KLHDC7A: variants seen among roughly 807,000 people sequenced by gnomAD.
KLHDC7A encodes kelch domain containing 7A.
For synonymous variants in KLHDC7A, 464 were observed against 461.0 expected (o/e 1.01, Z -0.08); for missense variants, 1,123 against 1,052.6 (o/e 1.07, Z -0.93).
rs1309654109 is a variant in KLHDC7A at position 18,484,003 on chromosome 1, C to A, written c.*688C>A. 2 of 1,304,244 alleles carry A rather than the reference C, an allele frequency of 1.5e-6. No homozygotes were observed. Among genetic ancestry groups the A allele is most frequent in the South Asian group, 1.2e-5 (1 of 81,032 alleles). 80.8% of individuals were successfully genotyped at this position (1,304,244 alleles called of 1,614,324 possible). A position where few individuals can be genotyped will look rare whatever the true frequency, so the allele number is the denominator to read the frequency against. On this transcript the variant is annotated 3_prime_UTR_variant, in exon 1 of 1. Coordinates refer to ENST00000400664, the MANE Select transcript of KLHDC7A (RefSeq NM_152375.3). ...TCCTTATTGGAAGAAAGAGAAGCAG[C>A]CATTGTACCAAGCTATCTTCTGGTG...
rs561873200 is a variant in KLHDC7A at position 18,483,566 on chromosome 1, A to G, written c.*251A>G. 1,314 of 1,401,766 alleles carry G rather than the reference A, an allele frequency of 9.4e-4. 3 individuals carry two copies. Among genetic ancestry groups the G allele is most frequent in the Middle Eastern group, 4.1e-3 (15 of 3,702 alleles). 86.8% of individuals were successfully genotyped at this position (1,401,766 alleles called of 1,614,324 possible). A position where few individuals can be genotyped will look rare whatever the true frequency, so the allele number is the denominator to read the frequency against. ...TGGTGTTCCAAGGCAGAAGGCATTC[A>G]TGTCTTCAGGGATGACCGCCCTTGC... is the stretch of plus-strand genomic sequence containing the variant. On this transcript the variant is annotated 3_prime_UTR_variant, in exon 1 of 1. Transcript: ENST00000400664.
In KLHDC7A at chr1:18,481,216, G is replaced by C; in HGVS notation, c.235G>C (p.Gly79Arg). The change falls in exon 1 of 1, where the codon GGG becomes CGG. Residue 79 changes from glycine (G) to arginine (R), a missense_variant. Gly to Arg is a moderately radical substitution (Grantham distance 125, BLOSUM62 -2). Transcript: ENST00000400664. ...QEASPGVLLR[G>R]PRRRRSSKRA... is the part of the protein sequence containing the mutation. The stretch of plus-strand genomic sequence containing the variant: ...GGCTTCTCCTGGGGTGCTCCTGAGG[G>C]GGCCAAGACGTCGGAGGAGCAGCAA... 1 of 1,586,756 alleles carries C rather than the reference G, an allele frequency of 6.3e-7. No individual in the cohort carries two copies. The highest frequency in any genetic ancestry group is 1.1e-5 in the South Asian group (1 of 87,444).
Position 18,481,378 on chromosome 1 carries a change from T to C in KLHDC7A, c.397T>C (p.Ser133Pro), listed in dbSNP as rs1465488438. Residue 133 changes from serine to proline, a missense_variant, in exon 1 of 1, where the codon TCT (serine) becomes CCT (proline). Transcript: ENST00000400664. ...GEERGGQGSD[S>P]EQVPPCCPSQ... ...GGAGCGGGGCGGGCAGGGCTCGGACTCTGAGCAGGTGCCTCCTTGCTGCCC... is the reference window on the plus strand; with the variant it reads ...GGAGCGGGGCGGGCAGGGCTCGGACCCTGAGCAGGTGCCTCCTTGCTGCCC... The C allele has an allele frequency of 1.9e-6, 3 of 1,611,854 alleles. No individual in the cohort carries two copies. Among genetic ancestry groups the C allele is most frequent in the Non-Finnish European group, 2.5e-6 (3 of 1,179,024 alleles).
Position 18,482,381 on chromosome 1 carries a change from G to A in KLHDC7A, c.1400G>A (p.Arg467His), listed in dbSNP as rs769439946. 6.2e-7 allele frequency: 1 copy of A among 1,604,826 alleles called. No individual in the cohort carries two copies. Among genetic ancestry groups the A allele is most frequent in the Non-Finnish European group, 8.5e-7 (1 of 1,179,942 alleles). The stretch of plus-strand genomic sequence containing the variant: ...AGCGAAAACTACCTGCAGGTGCTGC[G>A]CAGCCCGGACATCTACGGGTGCCTG... ...VMSENYLQVL[R>H]SPDIYGCLSG... The change falls in exon 1 of 1, where the codon CGC becomes CAC. Residue 467 changes from arginine to histidine, a missense_variant. Physicochemically the swap from Arg to His is conservative, Grantham distance 29 (BLOSUM62 0). Coordinates refer to ENST00000400664, the MANE Select transcript of KLHDC7A (RefSeq NM_152375.3).
At position 18,480,965 on chromosome 1, in the gene KLHDC7A, A is replaced by C. The variant is rs2086884104; in HGVS notation, c.-17A>C. 6.4e-7 allele frequency: 1 copy of C among 1,555,830 alleles called. No individual in the cohort carries two copies. On this transcript the variant is annotated 5_prime_UTR_variant, in exon 1 of 1. Coordinates refer to ENST00000400664, the MANE Select transcript of KLHDC7A (RefSeq NM_152375.3). ...CAGATTCTTGACATTCCTCAGCCCC[A>C]GGTTGGCTGGAGAAGCATGTTCCCC...
In KLHDC7A at chr1:18,481,989, C is replaced by A. The variant is rs202167464; in HGVS notation, c.1008C>A (p.Ala336=). The change falls in exon 1 of 1, where the codon GCC becomes GCA. Residue 336 remains alanine (A), a synonymous_variant. Coordinates refer to ENST00000400664, the MANE Select transcript of KLHDC7A (RefSeq NM_152375.3). ...CAGGGGCTGCCTCGGGAGGCCAAGC[C>A]GGTGACACAAAGGGTGCAGCCGAAA... ...LGTGAASGGQ[A]GDTKGAAERA... is the part of the protein sequence containing the mutation. 6.2e-7 allele frequency: 1 copy of A among 1,612,968 alleles called. No individual in the cohort carries two copies.
At position 18,481,771 on chromosome 1, in the gene KLHDC7A, T is replaced by C. The variant is rs543244797; in HGVS notation, c.790T>C (p.Ser264Pro). ...GAPNSSYTFS[S>P]IARVRMEEHF... ...CCCCAACTCCTCCTATACCTTCTCATCCATAGCCCGCGTCCGAATGGAGGA... is the reference window on the plus strand; with the variant it reads ...CCCCAACTCCTCCTATACCTTCTCACCCATAGCCCGCGTCCGAATGGAGGA... The change falls in exon 1 of 1, where the codon TCC becomes CCC. Residue 264 changes from serine (S) to proline (P), a missense_variant. Coordinates refer to ENST00000400664, the MANE Select transcript of KLHDC7A (RefSeq NM_152375.3). 1.9e-6 allele frequency: 3 copies of C among 1,614,072 alleles called. No individual in the cohort carries two copies. Among genetic ancestry groups the C allele is most frequent in the South Asian group, 2.2e-5 (2 of 91,078 alleles).
chr1:18,485,852 T>C lies in KLHDC7A; in HGVS notation c.*2537T>C, dbSNP rs926843288. The C allele has an allele frequency of 6.6e-5, 11 of 167,126 alleles. No individual in the cohort carries two copies. Among genetic ancestry groups the C allele is most frequent in the Admixed American group, 6.5e-5 (1 of 15,274 alleles). The allele number at this position is 167,126 out of a possible 1,614,324, so 10.4% of individuals were successfully genotyped here. A position where few individuals can be genotyped will look rare whatever the true frequency, so the allele number is the denominator to read the frequency against. ...CATCTTATTTGGAATTGACATTCTC[T>C]ATTGTAATTTTGTTCCTGTTTATTT... On this transcript the variant is annotated 3_prime_UTR_variant, in exon 1 of 1. Coordinates refer to ENST00000400664, the MANE Select transcript of KLHDC7A (RefSeq NM_152375.3).
Position 18,482,395 on chromosome 1 carries a change from T to C in KLHDC7A, c.1414T>C (p.Tyr472His), listed in dbSNP as rs774335711. Residue 472 changes from tyrosine to histidine, a missense_variant, in exon 1 of 1, where the codon TAC becomes CAC. Tyr to His is a moderately conservative substitution (Grantham distance 83). Transcript: ENST00000400664. ...GCAGGTGCTGCGCAGCCCGGACATC[T>C]ACGGGTGCCTGAGCGGGGCAGAGCG... ...YLQVLRSPDI[Y>H]GCLSGAEREL... The C allele has an allele frequency of 2.5e-6, 4 of 1,606,358 alleles. No individual in the cohort carries two copies. In the African/African-American group the frequency reaches 4.0e-5, roughly 16 times the overall value.
At position 18,484,894 on chromosome 1, in the gene KLHDC7A, C is replaced by G. The variant is rs1260536021; in HGVS notation, c.*1579C>G. The G allele has an allele frequency of 6.0e-6, 1 of 166,878 alleles. No individual in the cohort carries two copies. Among genetic ancestry groups the G allele is most frequent in the Non-Finnish European group, 1.5e-5 (1 of 68,214 alleles). 10.3% of individuals were successfully genotyped at this position (166,878 alleles called of 1,614,324 possible). On this transcript the variant is annotated 3_prime_UTR_variant, in exon 1 of 1. Transcript: ENST00000400664. ...GGCCACAGGGTGACATTGGCCACAC[C>G]CCCACCCCACTTCCCTGGCCTGGGC...
chr1:18,482,163 C>T lies in KLHDC7A; in HGVS notation c.1182C>T (p.Ala394=), dbSNP rs186275573. 242 of 1,611,672 alleles carry T rather than the reference C, an allele frequency of 1.5e-4. No individual in the cohort carries two copies. In the East Asian group the frequency reaches 5.0e-3, roughly 33 times the overall value. The part of the protein sequence containing the change: ...LPAPPCPDPG[A]LPGLGRSSRE... ...CTCCACCCTGCCCAGACCCGGGCGCCCTGCCTGGCTTAGGCAGAAGCAGCC... is the reference window on the plus strand; with the variant it reads ...CTCCACCCTGCCCAGACCCGGGCGCTCTGCCTGGCTTAGGCAGAAGCAGCC... The change falls in exon 1 of 1, where the codon GCC becomes GCT. Residue 394 remains alanine (A), a synonymous_variant. Transcript: ENST00000400664.
At position 18,482,266 on chromosome 1, in the gene KLHDC7A, C is replaced by A; in HGVS notation, c.1285C>A (p.Arg429Ser). Reference protein sequence around the residue: ...PLTPASAPQVRLDLGNCYEVL... With the variant: ...PLTPASAPQVSLDLGNCYEVL... ...CACCCCTGCTTCAGCCCCACAGGTC[C>A]GCCTGGATCTGGGCAATTGCTATGA... The change falls in exon 1 of 1, where the codon CGC becomes AGC. Residue 429 changes from arginine (R) to serine (S), a missense_variant. Arg to Ser is a moderately radical substitution (Grantham distance 110). Coordinates refer to ENST00000400664, the MANE Select transcript of KLHDC7A (RefSeq NM_152375.3). 6 of 1,604,636 alleles carry A rather than the reference C, an allele frequency of 3.7e-6. No homozygotes were observed. Among genetic ancestry groups the A allele is most frequent in the Non-Finnish European group, 4.2e-6 (5 of 1,179,944 alleles).
At position 18,482,495 on chromosome 1, in the gene KLHDC7A, C is replaced by A. The variant is rs1266125950; in HGVS notation, c.1514C>A (p.Ser505Tyr). The stretch of plus-strand genomic sequence containing the variant: ...GCTGACGTGTGCCCCAAGGAAGACT[C>A]CGGCGGCCTCTGTTGCTATGACGAT... ...VVADVCPKED[S>Y]GGLCCYDDEQ... The change falls in exon 1 of 1, where the codon TCC becomes TAC. Residue 505 changes from serine (S) to tyrosine (Y), a missense_variant. Coordinates refer to ENST00000400664, the MANE Select transcript of KLHDC7A (RefSeq NM_152375.3). 60 of 1,611,774 alleles carry A rather than the reference C, an allele frequency of 3.7e-5. No homozygotes were observed. The highest frequency in any genetic ancestry group is 4.9e-5 in the Non-Finnish European group (58 of 1,179,928).
In KLHDC7A at chr1:18,482,346, C is replaced by G. The variant is rs561659003; in HGVS notation, c.1365C>G (p.Tyr455Ter). ...TGGAGGCCCTGAAAGAGGCGGCCTA[C>G]AAGGTGATGAGCGAAAACTACCTGC... ...QNLEALKEAA[Y>*]KVMSENYLQV... The change falls in exon 1 of 1, where the codon TAC becomes TAG. Residue 455 changes from tyrosine to a stop codon, truncating the protein, a stop_gained. Coordinates refer to ENST00000400664, the MANE Select transcript of KLHDC7A (RefSeq NM_152375.3). LOFTEE classifies it low-confidence loss of function (END_TRUNC). The G allele has an allele frequency of 5.6e-6, 9 of 1,602,538 alleles. No homozygotes were observed. In the African/African-American group the frequency reaches 6.7e-5, roughly 12 times the overall value.
chr1:18,482,897 CCGG>C lies in KLHDC7A; in HGVS notation c.1921_1923del (p.Gly641del). ...GTGCGTGCCAAGGAAATCTTCGTCA[CCGG>C]CGGCTCGCTGCGCTTCCTGCTGTTC... On this transcript the variant is annotated inframe_deletion, in exon 1 of 1. Coordinates refer to ENST00000400664, the MANE Select transcript of KLHDC7A (RefSeq NM_152375.3). 1 of 1,610,286 alleles carries C rather than the reference CCGG, an allele frequency of 6.2e-7. No homozygotes were observed. Among genetic ancestry groups the C allele is most frequent in the Admixed American group, 1.7e-5 (1 of 59,828 alleles).
In KLHDC7A at chr1:18,483,244, G is replaced by A; in HGVS notation, c.2263G>A (p.Ala755Thr). ...FVPKELRSFPAPQGTLLPTVL... is the reference protein window; with the variant it reads ...FVPKELRSFPTPQGTLLPTVL... The stretch of plus-strand genomic sequence containing the variant: ...GCCCAAGGAGCTGCGGAGTTTCCCG[G>A]CCCCGCAGGGCACCCTCCTGCCCAC... Residue 755 changes from alanine (A) to threonine (T), a missense_variant, in exon 1 of 1, where the codon GCC becomes ACC. Transcript: ENST00000400664. 6.2e-7 allele frequency: 1 copy of A among 1,613,900 alleles called. No individual in the cohort carries two copies. The highest frequency in any genetic ancestry group is 8.5e-7 in the Non-Finnish European group (1 of 1,180,032).
chr1:18,482,517 C>T lies in KLHDC7A; in HGVS notation c.1536C>T (p.Asp512=). ...KEDSGGLCCY[D]DEQDVWRPLA... Reference sequence around the variant, plus strand: ...ACTCCGGCGGCCTCTGTTGCTATGACGATGAGCAGGATGTCTGGCGCCCGC... The same window carrying T: ...ACTCCGGCGGCCTCTGTTGCTATGATGATGAGCAGGATGTCTGGCGCCCGC... Residue 512 remains aspartate, a synonymous_variant, in exon 1 of 1, where the codon GAC becomes GAT. Transcript: ENST00000400664. The T allele has an allele frequency of 6.2e-7, 1 of 1,612,122 alleles. No individual in the cohort carries two copies. Among genetic ancestry groups the T allele is most frequent in the Non-Finnish European group, 8.5e-7 (1 of 1,179,932 alleles).
Position 18,482,285 on chromosome 1 carries a change from G to A in KLHDC7A, c.1304G>A (p.Cys435Tyr), listed in dbSNP as rs1347271492. The change falls in exon 1 of 1, where the codon TGC (cysteine) becomes TAC (tyrosine). Residue 435 changes from cysteine to tyrosine, a missense_variant. Cys to Tyr is a radical substitution (Grantham distance 194). Coordinates refer to ENST00000400664, the MANE Select transcript of KLHDC7A (RefSeq NM_152375.3). The stretch of plus-strand genomic sequence containing the variant: ...CAGGTCCGCCTGGATCTGGGCAATT[G>A]CTATGAGGTGCTGACCTTGGCCAAG... ...APQVRLDLGN[C>Y]YEVLTLAKRQ... 1.2e-6 allele frequency: 2 copies of A among 1,602,936 alleles called. No homozygotes were observed. The highest frequency in any genetic ancestry group is 1.3e-5 in the African/African-American group (1 of 75,058).
chr1:18,481,360 G>A lies in KLHDC7A; in HGVS notation c.379G>A (p.Gly127Ser). 2 of 1,607,120 alleles carry A rather than the reference G, an allele frequency of 1.2e-6. No individual in the cohort carries two copies. The highest frequency in any genetic ancestry group is 2.2e-5 in the East Asian group (1 of 44,864). ...PQRKGSGEER[G>S]GQGSDSEQVP... ...GAGAAAAGGCTCAGGTGAGGAGCGGGGCGGGCAGGGCTCGGACTCTGAGCA... is the reference window on the plus strand; with the variant it reads ...GAGAAAAGGCTCAGGTGAGGAGCGGAGCGGGCAGGGCTCGGACTCTGAGCA... The change falls in exon 1 of 1, where the codon GGC becomes AGC. Residue 127 changes from glycine (G) to serine (S), a missense_variant. By Grantham distance (56) the Gly-to-Ser change is moderately conservative. Coordinates refer to ENST00000400664, the MANE Select transcript of KLHDC7A (RefSeq NM_152375.3).
Sources: allele counts gnomAD v4.1 joint callset, GRCh38; gene constraint gnomAD v4.1.1; transcripts MANE v1.5; gene names NCBI Gene and HGNC (gene_info 2026-07-23, HGNC 2026-07-21).